Variants in MAGI1 observed in about 807,000 individuals in gnomAD.
The protein encoded by MAGI1 is membrane associated guanylate kinase, WW and PDZ domain containing 1.
In MAGI1, 58 loss-of-function variants were observed where a neutral mutation model predicts 139.9. That is an observed-to-expected ratio of 0.41 (90% CI 0.34 to 0.52). The LOEUF is 0.52. Ranked by LOEUF, MAGI1 falls within the 20% of genes least tolerant of loss-of-function variation. The pLI, the probability that MAGI1 is intolerant of heterozygous loss-of-function variation, is 0.12. For synonymous variants in MAGI1, 812 were observed against 737.9 expected (o/e 1.10, Z -1.63); for missense variants, 1,874 against 1,901.6 (o/e 0.99, Z 0.27).
intron 1 of MAGI1, among the ~76,000 whole-genome samples, chr3:65,683,490 G>GA (rs200435185): frequency 2.0e-5 from 3 of 150,586 alleles, no homozygotes; most frequent in Admixed American, 6.6e-5. Flanking sequence ...AAAAAGAAAA[G>GA]AAAAAAAAGA....
intron 1 of MAGI1, among the ~76,000 whole-genome samples, chr3:66,018,409 G>A (rs893863125): frequency 1.3e-5 from 2 of 152,084 alleles, no homozygotes; most frequent in Admixed American, 6.5e-5. Context: ...TTAAACCCTG[G>A]GATTCCAAAA....
At chr3:65,867,288 C>T (rs999901345) in intron 1 of MAGI1, among the ~76,000 whole-genome samples, 7 of 152,146 alleles carry the variant, frequency 4.6e-5, no homozygotes, top group African/African-American at 1.7e-4. Flanking sequence ...CCCTGAGGGA[C>T]GAAGATATGC....
intron 12 of MAGI1, among the ~76,000 whole-genome samples, chr3:65,425,705 A>G (rs1324506865): frequency 6.6e-6 from 1 of 152,132 alleles, no homozygotes; most frequent in East Asian, 1.9e-4. Context: ...AGTGCTGCCA[A>G]ATCTTTTCTT....
chr3:65,738,502 A>G (rs2107768992), intron 1 of MAGI1, among the ~76,000 whole-genome samples: 1 of 152,288 alleles, frequency 6.6e-6, no homozygotes, highest in Non-Finnish European at 1.5e-5. Flanking sequence ...GGCCTCTAGA[A>G]TGGTAAATTG....
At chr3:65,544,476 G>A (rs1341983526) in intron 2 of MAGI1, among the ~76,000 whole-genome samples, 1 of 152,152 alleles carries the variant, frequency 6.6e-6, no homozygotes, top group Non-Finnish European at 1.5e-5. Context: ...AAGTAGTAGG[G>A]CTTTGTTCTA....
intron 1 of MAGI1, among the ~76,000 whole-genome samples, chr3:65,917,973 T>C (rs1466608244): frequency 6.6e-6 from 1 of 152,210 alleles, no homozygotes; most frequent in Non-Finnish European, 1.5e-5. Flanking sequence ...GTAACAAATG[T>C]ACCACCTTGG....
At chr3:65,429,401 G>A in intron 12 of MAGI1, 119 bp downstream of exon 12, 2 of 1,064,576 alleles carry the variant, frequency 1.9e-6, no homozygotes, top group Non-Finnish European at 2.7e-6. Context: ...GAAATCAGTA[G>A]GCATTTTGAA....
intron 1 of MAGI1, among the ~76,000 whole-genome samples, chr3:65,889,872 G>A (rs1475954656): frequency 6.6e-6 from 1 of 152,132 alleles, no homozygotes; most frequent in Non-Finnish European, 1.5e-5. Flanking sequence ...AAATGTATTG[G>A]TATGTGTTCA....
At chr3:65,379,091 G>A in intron 17 of MAGI1, 170 bp downstream of exon 17, 1 of 1,412,662 alleles carries the variant, frequency 7.1e-7, no homozygotes, top group Non-Finnish European at 9.6e-7. Context: ...ACCTTCAAAA[G>A]GGAAAAAGCT....
chr3:65,901,931 A>T (rs1207846687), intron 1 of MAGI1, among the ~76,000 whole-genome samples: 1 of 152,150 alleles, frequency 6.6e-6, no homozygotes, highest in Non-Finnish European at 1.5e-5. Flanking sequence ...TATTTTTTTT[A>T]ATACATCATT....
intron 5 of MAGI1, among the ~76,000 whole-genome samples, chr3:65,454,766 G>A (rs976965858): frequency 7.4e-5 from 11 of 149,386 alleles, no homozygotes; most frequent in African/African-American, 2.7e-4. Context: ...CAGAATCTGC[G>A]AATGTATACA....
Position 65,375,613 on chromosome 3 carries a change from TA to T in MAGI1, c.3196+131del, listed in dbSNP as rs796633679. ...ATGGGTATATTTAGTTAGGGATGAATAAAGCTGCCACTAAATTAATACTATT... is the reference window on the plus strand; with the variant it reads ...ATGGGTATATTTAGTTAGGGATGAATAAGCTGCCACTAAATTAATACTATT... On this transcript the variant is annotated intron_variant, in intron 18 of 22. Transcript: ENST00000402939. 2.1e-5 allele frequency: 16 copies of T among 771,674 alleles called. No homozygotes were observed. The African/African-American group carries it at 2.6e-4, about 13-fold the overall frequency. 47.8% of individuals were successfully genotyped at this position (771,674 alleles called of 1,614,324 possible).
intron 1 of MAGI1, among the ~76,000 whole-genome samples, chr3:65,972,036 T>C (rs375999804): frequency 2.8e-4 from 42 of 152,264 alleles, no homozygotes; most frequent in East Asian, 7.7e-4. Context: ...TTCTAGGAAA[T>C]AAGAAAGGAG....
At chr3:65,650,889 C>T (rs958967991) in intron 1 of MAGI1, among the ~76,000 whole-genome samples, 7 of 151,906 alleles carry the variant, frequency 4.6e-5, no homozygotes, top group African/African-American at 1.5e-4. Flanking sequence ...ACTTTTGTAC[C>T]AATGTAGAAA....
intron 1 of MAGI1, among the ~76,000 whole-genome samples, chr3:65,828,955 C>T (rs948075261): frequency 7.9e-5 from 12 of 152,146 alleles, no homozygotes; most frequent in Non-Finnish European, 1.6e-4. Context: ...AATGGCCCTC[C>T]GCTGACAGCC....
intron 2 of MAGI1, among the ~76,000 whole-genome samples, chr3:65,557,681 G>T (rs774585816): frequency 6.6e-6 from 1 of 152,198 alleles, no homozygotes; most frequent in African/African-American, 2.4e-5. Flanking sequence ...TAACGAAATC[G>T]ATCAGTGCCA....
At chr3:65,749,768 G>C (rs910764151) in intron 1 of MAGI1, among the ~76,000 whole-genome samples, 1 of 150,990 alleles carries the variant, frequency 6.6e-6, no homozygotes, top group Non-Finnish European at 1.5e-5. Context: ...ATGAGGTTGA[G>C]GGTTATAGCC....
intron 2 of MAGI1, among the ~76,000 whole-genome samples, chr3:65,508,147 T>A (rs1275769123): frequency 6.6e-6 from 1 of 152,242 alleles, no homozygotes; most frequent in East Asian, 1.9e-4. Context: ...CTCACGCCTG[T>A]AATCCCAGCA....
chr3:65,577,831 T>C (rs1486355628), intron 2 of MAGI1, among the ~76,000 whole-genome samples: 1 of 152,150 alleles, frequency 6.6e-6, no homozygotes, highest in Non-Finnish European at 1.5e-5. Flanking sequence ...AGTCGAACCA[T>C]GTCTCTCATC....
Sources: gnomAD v4.1 joint callset for allele counts (sites outside exome capture counted in the v4.1 genomes callset) on GRCh38, gnomAD v4.1.1 for gene constraint, MANE v1.5 for transcripts, NCBI Gene and HGNC (gene_info 2026-07-23, HGNC 2026-07-21) for gene names.